The following GRM8 variants were observed in gnomAD, a reference collection of about 807,000 sequenced individuals.
GRM8 encodes the protein metabotropic glutamate receptor 8.
A neutral mutation model predicts 87.2 loss-of-function variants in GRM8; 47 were observed. That is an observed-to-expected ratio of 0.54 (90% CI 0.43 to 0.69). The LOEUF (loss-of-function observed/expected upper bound fraction) is 0.69. Among genes scored for constraint, GRM8 ranks in the 30% least tolerant of loss-of-function variants. The pLI is 0.00. For synonymous variants in GRM8, 396 were observed against 404.5 expected, an observed-to-expected ratio of 0.98 and a Z score of 0.25; for missense variants, 1,019 against 1,139.2, an observed-to-expected ratio of 0.89 and a Z score of 1.52.
intron 9 of GRM8, among the ~76,000 whole-genome samples, chr7:126,464,355 G>T (rs1054779073): frequency 6.6e-6 from 1 of 151,502 alleles, no homozygotes; most frequent in African/African-American, 2.4e-5. Flanking sequence ...GGTGAAGTGT[G>T]TTTCTTGTGG....
At position 127,152,937 on chromosome 7, in the gene GRM8, A is replaced by T. The variant is rs567875552; in HGVS notation, c.511-46225T>A. On this transcript the variant is annotated intron_variant, in intron 2 of 10. Coordinates refer to ENST00000339582, the MANE Select transcript of GRM8 (RefSeq NM_000845.3). Reference sequence around the variant, plus strand: ...TCATAGGCATTCCATTTGTAGAACAAATTAGTCAATCTTATTTGCATGAAT... The same window carrying T: ...TCATAGGCATTCCATTTGTAGAACATATTAGTCAATCTTATTTGCATGAAT... Among the ~76,000 whole-genome samples, 5 of 152,266 alleles carry T rather than the reference A, an allele frequency of 3.3e-5. No individual in the cohort carries two copies. The South Asian group carries it at 1.0e-3, about 32-fold the overall frequency.
intron 9 of GRM8, among the ~76,000 whole-genome samples, chr7:126,522,996 AAATGCC>A (rs1266533963): frequency 6.6e-6 from 1 of 152,240 alleles, no homozygotes; most frequent in Non-Finnish European, 1.5e-5. Flanking sequence ...ACTTTTGATG[AAATGCC>A]ATCATCAGCT....
At chr7:126,686,615 G>A (rs924395422) in intron 7 of GRM8, among the ~76,000 whole-genome samples, 4 of 150,146 alleles carry the variant, frequency 2.7e-5, no homozygotes, top group Admixed American at 2.0e-4. Context: ...GGAACTGCCT[G>A]CCCCGCAGCA....
At chr7:127,077,408 C>G (rs1233000291) in intron 3 of GRM8, among the ~76,000 whole-genome samples, 1 of 152,166 alleles carries the variant, frequency 6.6e-6, no homozygotes, top group Non-Finnish European at 1.5e-5. Flanking sequence ...CATGAACTTC[C>G]CCCAAATTGC....
chr7:126,463,023 A>AGT (rs1159162234), intron 9 of GRM8, among the ~76,000 whole-genome samples: 2 of 151,506 alleles, frequency 1.3e-5, no homozygotes, highest in Middle Eastern at 3.4e-3. Context: ...GACTAGATGT[A>AGT]GTGTGGTTAT....
At chr7:126,947,933 C>A (rs534573466) in intron 3 of GRM8, among the ~76,000 whole-genome samples, 1 of 152,288 alleles carries the variant, frequency 6.6e-6, no homozygotes, top group Admixed American at 6.5e-5. Flanking sequence ...GGTGAGGAAG[C>A]TAAGGTCCTG....
intron 2 of GRM8, among the ~76,000 whole-genome samples, chr7:127,144,972 A>G (rs1828474014): frequency 6.6e-6 from 1 of 152,108 alleles, no homozygotes; most frequent in Non-Finnish European, 1.5e-5. Flanking sequence ...TAATATATGC[A>G]TCTTTTCCCC....
chr7:127,024,411 A>G (rs993138333), intron 3 of GRM8, among the ~76,000 whole-genome samples: 9 of 152,068 alleles, frequency 5.9e-5, no homozygotes, highest in African/African-American at 1.9e-4. Flanking sequence ...CCTATTCTGT[A>G]TTCATCATTA....
intron 7 of GRM8, among the ~76,000 whole-genome samples, chr7:126,627,102 A>G (rs1197426962): frequency 6.6e-6 from 1 of 152,162 alleles, no homozygotes; most frequent in East Asian, 1.9e-4. Context: ...CCTAGATAAT[A>G]TTATCTGATA....
At chr7:127,049,609 T>A (rs546371879) in intron 3 of GRM8, among the ~76,000 whole-genome samples, 25 of 152,248 alleles carry the variant, frequency 1.6e-4, no homozygotes, top group African/African-American at 5.1e-4. Flanking sequence ...AGGATTCCCA[T>A]CCTCATTAAG....
intron 3 of GRM8, among the ~76,000 whole-genome samples, chr7:127,001,440 C>G (rs1021363436): frequency 4.6e-5 from 7 of 151,550 alleles, no homozygotes; most frequent in Non-Finnish European, 8.9e-5. Flanking sequence ...AGGACAAAAA[C>G]TCATTTAAAA....
intron 3 of GRM8, among the ~76,000 whole-genome samples, chr7:126,958,593 C>T (rs1190779548): frequency 6.6e-6 from 1 of 152,106 alleles, no homozygotes; most frequent in African/African-American, 2.4e-5. Flanking sequence ...TCGCCCGGCC[C>T]GCCCTTAGCA....
chr7:127,241,735 A>G (rs1208180440), intron 2 of GRM8, among the ~76,000 whole-genome samples: 2 of 152,204 alleles, frequency 1.3e-5, no homozygotes, highest in South Asian at 2.1e-4. Context: ...GCACCCAGCC[A>G]GGAACCATTT....
chr7:127,068,579 G>C (rs1293999404), intron 3 of GRM8, among the ~76,000 whole-genome samples: 3 of 152,212 alleles, frequency 2.0e-5, no homozygotes, highest in African/African-American at 7.2e-5. Flanking sequence ...TTTCTTCCTA[G>C]AAACAGGAGA....
At chr7:126,777,229 A>G (rs1354264498) in intron 6 of GRM8, among the ~76,000 whole-genome samples, 1 of 152,198 alleles carries the variant, frequency 6.6e-6, no homozygotes, top group African/African-American at 2.4e-5. Flanking sequence ...ATAAGGTCAG[A>G]GAAGTGAAAG....
intron 6 of GRM8, among the ~76,000 whole-genome samples, chr7:126,819,264 A>G (rs866066828): frequency 7.4e-6 from 1 of 135,450 alleles, no homozygotes; most frequent in Non-Finnish European, 1.5e-5. Flanking sequence ...TCCTATTCAG[A>G]CAGACACACA....
At chr7:127,015,168 A>C (rs1258285739) in intron 3 of GRM8, among the ~76,000 whole-genome samples, 2 of 57,092 alleles carry the variant, frequency 3.5e-5, no homozygotes, top group Non-Finnish European at 7.2e-5. Context: ...GAGAAGGAGA[A>C]GGAGAAGGAG....
intron 3 of GRM8, among the ~76,000 whole-genome samples, chr7:127,044,372 C>T (rs1818728824): frequency 6.6e-6 from 1 of 152,158 alleles, no homozygotes; most frequent in African/African-American, 2.4e-5. Context: ...GGCTAACACA[C>T]CTTGCCCTAG....
chr7:126,766,765 C>G (rs542520902), intron 7 of GRM8, among the ~76,000 whole-genome samples: 3 of 152,114 alleles, frequency 2.0e-5, no homozygotes, highest in Admixed American at 6.6e-5. Context: ...TGGCCAATGG[C>G]CTCCTTGCAC....
Sources: allele counts gnomAD v4.1 joint callset (sites outside exome capture counted in the v4.1 genomes callset), GRCh38; gene constraint gnomAD v4.1.1; transcripts MANE v1.5; gene names NCBI Gene and HGNC (gene_info 2026-07-23, HGNC 2026-07-21).